The following ZXDC variants were observed in gnomAD, a reference collection of about 807,000 sequenced individuals.
ZXDC encodes zinc finger protein ZXDC.
ZXDC carries 58 observed loss-of-function variants against 63.6 expected under a neutral mutation model. The ratio of observed to expected loss-of-function variants is 0.91; its 90% CI spans 0.74 to 1.13. The LOEUF is 1.13. ZXDC is among the 50% of genes most tolerant of loss of function. ZXDC has a pLI of 0.00. For missense variants in ZXDC, 1,133 were observed against 1,148.9 expected (o/e 0.99, Z 0.20); for synonymous variants, 561 against 496.1 (o/e 1.13, Z -1.74).
In ZXDC at chr3:126,463,231, G is replaced by A. The variant is rs374761950; in HGVS notation, c.1442-1011C>T. ...CTACAGGCACCCGCCACTATGCCCGGCTAATTTTTTTGTGTTTTTAGTAGA... is the reference window on the plus strand; with the variant it reads ...CTACAGGCACCCGCCACTATGCCCGACTAATTTTTTTGTGTTTTTAGTAGA... On this transcript the variant is annotated intron_variant, in intron 5 of 9. Transcript: ENST00000389709. Among the ~76,000 whole-genome samples the A allele has an allele frequency of 3.4e-4, 51 of 152,174 alleles. 1 individual carries two copies. The South Asian group carries it at 4.8e-3, about 14-fold the overall frequency.
chr3:126,439,515 A>C, intron 9 of ZXDC, 117 bp downstream of exon 9: 1 of 1,526,094 alleles, frequency 6.6e-7, no homozygotes, highest in South Asian at 1.2e-5. Flanking sequence ...CAACCCACTG[A>C]GCCTCCCAAG....
intron 6 of ZXDC, chr3:126,460,034 T>C (rs1934463372): frequency 1.0e-6 from 1 of 985,310 alleles, no homozygotes; most frequent in Admixed American, 6.1e-5. Context: ...ATTACATACT[T>C]CTCTGCTTTC....
intron 7 of ZXDC, chr3:126,452,701 C>A: frequency 2.2e-6 from 1 of 458,516 alleles, no homozygotes; most frequent in Non-Finnish European, 2.9e-6. Context: ...TTATTTAGAA[C>A]ATTTCCATCT....
In ZXDC at chr3:126,454,467, T is replaced by C. The variant is rs962122920; in HGVS notation, c.2212+5186A>G. The C allele has an allele frequency of 4.1e-6, 4 of 985,340 alleles. No individual in the cohort carries two copies. In the African/African-American group the frequency reaches 7.0e-5, roughly 17 times the overall value. The allele number at this position is 985,340 out of a possible 1,614,324, so 61.0% of individuals were successfully genotyped here. ...CACTTTTCATATTAACATTAGCCCT[T>C]GCTTTGTGATTTGCCTTTGCTTTAT... On this transcript the variant is annotated intron_variant, in intron 7 of 9. Coordinates refer to ENST00000389709, the MANE Select transcript of ZXDC (RefSeq NM_025112.5).
At chr3:126,466,981 T>C (rs1429524655) in intron 4 of ZXDC, among the ~76,000 whole-genome samples, 5 of 152,152 alleles carry the variant, frequency 3.3e-5, no homozygotes, top group African/African-American at 1.2e-4. Context: ...CTGCCCCATA[T>C]GGACACAGGA....
rs536616126 is a variant in ZXDC at position 126,457,083 on chromosome 3, G to C, written c.2212+2570C>G. On this transcript the variant is annotated intron_variant, in intron 7 of 9. Transcript: ENST00000389709. ...AAGGGAGGGCCAAGGCCCTCAACCA[G>C]ACCAGAGGAGACGGGGAGGGGTGAC... Among the ~76,000 whole-genome samples the C allele has an allele frequency of 2.0e-5, 3 of 152,362 alleles. No individual in the cohort carries two copies. In the East Asian group the frequency reaches 5.8e-4, roughly 29 times the overall value.
In ZXDC at chr3:126,462,038, C is replaced by T. The variant is rs943393981; in HGVS notation, c.1624G>A (p.Val542Ile). 1.7e-5 allele frequency: 28 copies of T among 1,613,970 alleles called. No homozygotes were observed. The highest frequency in any genetic ancestry group is 3.3e-5 in the Admixed American group (2 of 59,994). ...ALNSGILTIDVTSVSSSLGGN... is the reference protein window; with the variant it reads ...ALNSGILTIDITSVSSSLGGN... ...CCCAGAGAGGAGCTCACAGAAGTGA[C>T]GTCAATAGTCAGGATTCCGGAGTTC... is the stretch of plus-strand genomic sequence containing the variant. Residue 542 changes from valine to isoleucine, a missense_variant, in exon 6 of 10, where the codon GTC becomes ATC. Transcript: ENST00000389709.
At chr3:126,452,870 T>C in intron 7 of ZXDC, 1 of 309,098 alleles carries the variant, frequency 3.2e-6, no homozygotes, top group Non-Finnish European at 4.7e-6. Flanking sequence ...TCCCCAGTAA[T>C]TGGGACCACA....
chr3:126,442,129 G>A (rs942215925), intron 7 of ZXDC, 183 bp from the exon 8 acceptor site: 10 of 607,168 alleles, frequency 1.6e-5, no homozygotes, highest in Admixed American at 8.6e-5. Context: ...ACAACCATAC[G>A]AACAAAAAAA....
At chr3:126,448,694 G>A (rs571333835) in intron 7 of ZXDC, among the ~76,000 whole-genome samples, 1 of 152,324 alleles carries the variant, frequency 6.6e-6, no homozygotes, top group African/African-American at 2.4e-5. Context: ...CCAGAACAGG[G>A]ACAGCGTATA....
intron 7 of ZXDC, among the ~76,000 whole-genome samples, chr3:126,447,575 T>C (rs572145376): frequency 6.6e-6 from 1 of 152,278 alleles, no homozygotes; most frequent in African/African-American, 2.4e-5. Flanking sequence ...GTCAAATAGA[T>C]TGCGCCAATG....
chr3:126,466,174 T>TCTGA lies in ZXDC; in HGVS notation c.1418_1421dup (p.Arg474SerfsTer25). 6.2e-7 allele frequency: 1 copy of TCTGA among 1,614,042 alleles called. No individual in the cohort carries two copies. Among genetic ancestry groups the TCTGA allele is most frequent in the Non-Finnish European group, 8.5e-7 (1 of 1,179,978 alleles). On this transcript the variant is annotated frameshift_variant, in exon 5 of 10. Coordinates refer to ENST00000389709, the MANE Select transcript of ZXDC (RefSeq NM_025112.5). LOFTEE classifies it high-confidence loss of function. ...GCAGACCTTGGCGCCGGCTGTGCTG[T>TCTGA]CTGACCATGTGCGCCTTCATGCTGT...
Position 126,458,737 on chromosome 3 carries a change from T to C in ZXDC, c.2212+916A>G, listed in dbSNP as rs185418526. Reference sequence around the variant, plus strand: ...TCCGCTTTCCTTCATGAACTTTCCTTGGTATATGGTCAACTCTTTCTACAA... The same window carrying C: ...TCCGCTTTCCTTCATGAACTTTCCTCGGTATATGGTCAACTCTTTCTACAA... On this transcript the variant is annotated intron_variant, in intron 7 of 9. Transcript: ENST00000389709. The C allele has an allele frequency of 2.0e-3, 2,000 of 985,432 alleles. 47 individuals carry two copies. The Admixed American group carries it at 0.068, about 33-fold the overall frequency. 61.0% of individuals were successfully genotyped at this position (985,432 alleles called of 1,614,324 possible).
rs940752302 is a variant in ZXDC at position 126,475,621 on chromosome 3, G to A, written c.245C>T (p.Pro82Leu). The stretch of plus-strand genomic sequence containing the variant: ...AGCCTCGGCGGCAGCGCCGCCGTGC[G>A]GCACTTCCAGCAGCACCAAGAAAGA... ...GDSFLVLLEV[P>L]HGGAAAEAAG... The change falls in exon 1 of 10, where the codon CCG becomes CTG. Residue 82 changes from proline (P) to leucine (L), a missense_variant. Coordinates refer to ENST00000389709, the MANE Select transcript of ZXDC (RefSeq NM_025112.5). The A allele has an allele frequency of 4.7e-6, 7 of 1,475,582 alleles. No individual in the cohort carries two copies. The highest frequency in any genetic ancestry group is 2.9e-5 in the African/African-American group (2 of 68,588). The allele number at this position is 1,475,582 out of a possible 1,614,324, so 91.4% of individuals were successfully genotyped here. A position where few individuals can be genotyped will look rare whatever the true frequency, so the allele number is the denominator to read the frequency against.
At chr3:126,448,642 C>T (rs890609223) in intron 7 of ZXDC, among the ~76,000 whole-genome samples, 1 of 152,220 alleles carries the variant, frequency 6.6e-6, no homozygotes, top group Non-Finnish European at 1.5e-5. Context: ...GCTGCCACCC[C>T]TAGGGCTGGA....
At chr3:126,470,505 G>C (rs1050821175) in intron 4 of ZXDC, among the ~76,000 whole-genome samples, 8 of 152,176 alleles carry the variant, frequency 5.3e-5, no homozygotes, top group African/African-American at 1.9e-4. Context: ...TAGCTTTACT[G>C]CTCTCCAATT....
intron 5 of ZXDC, among the ~76,000 whole-genome samples, chr3:126,464,598 C>T (rs1324165952): frequency 2.0e-5 from 3 of 152,114 alleles, no homozygotes; most frequent in Non-Finnish European, 2.9e-5. Context: ...GAGGGTCTCA[C>T]ATCCCACTAG....
intron 7 of ZXDC, chr3:126,453,680 T>C (rs1934196314): frequency 1.0e-6 from 1 of 985,256 alleles, no homozygotes; most frequent in Non-Finnish European, 1.2e-6. Context: ...CCTGTATTTG[T>C]AATTAGCTTT....
rs1935205930 is a variant in ZXDC, at chr3:126,475,836, C to A, written c.30G>T (p.Pro10=). 1.8e-6 allele frequency: 2 copies of A among 1,081,346 alleles called. No individual in the cohort carries two copies. Among genetic ancestry groups the A allele is most frequent in the South Asian group, 4.4e-5 (1 of 22,964 alleles). The allele number at this position is 1,081,346 out of a possible 1,614,324, so 67.0% of individuals were successfully genotyped here. MDLPALLPA[P]TARGGQHGGG... is the part of the protein sequence containing the mutation. ...CGCCATGTTGCCCTCCGCGCGCAGTCGGGGCGGGGAGCAGCGCCGGGAGGT... is the reference window on the plus strand; with the variant it reads ...CGCCATGTTGCCCTCCGCGCGCAGTAGGGGCGGGGAGCAGCGCCGGGAGGT... Residue 10 remains proline, a synonymous_variant, in exon 1 of 10, where the codon CCG becomes CCT. Transcript: ENST00000389709.
Sources: allele counts gnomAD v4.1 joint callset (sites outside exome capture counted in the v4.1 genomes callset), GRCh38; gene constraint gnomAD v4.1.1; transcripts MANE v1.5; gene names NCBI Gene and HGNC (gene_info 2026-07-23, HGNC 2026-07-21).